The following NDFIP2 variants were observed in gnomAD, a reference collection of about 807,000 sequenced individuals.
NDFIP2 encodes NEDD4 family-interacting protein 2.
Under a neutral mutation model 36.0 loss-of-function variants are expected in NDFIP2, and 19 were observed. The ratio of observed to expected loss-of-function variants is 0.53; its 90% CI spans 0.37 to 0.77. The LOEUF is 0.77. NDFIP2 is among the 30% of genes least tolerant of loss of function. NDFIP2 has a pLI of 0.00. For synonymous variants in NDFIP2, 181 were observed against 167.7 expected, an observed-to-expected ratio of 1.08 and a Z score of -0.61; for missense variants, 446 against 435.8, an observed-to-expected ratio of 1.02 and a Z score of -0.21.
intron 2 of NDFIP2, among the ~76,000 whole-genome samples, chr13:79,529,383 C>T (rs556942063): frequency 1.3e-5 from 2 of 151,966 alleles, no homozygotes; most frequent in South Asian, 4.2e-4. Flanking sequence ...AATTTACATT[C>T]TTGTTATTAT....
intron 2 of NDFIP2, among the ~76,000 whole-genome samples, chr13:79,528,343 A>G (rs999445972): frequency 3.9e-5 from 6 of 152,204 alleles, no homozygotes; most frequent in South Asian, 2.1e-4. Flanking sequence ...ACACTGTACA[A>G]TGTGTTTGTG....
intron 5 of NDFIP2, among the ~76,000 whole-genome samples, chr13:79,547,933 G>A (rs1283345854): frequency 6.6e-6 from 1 of 152,076 alleles, no homozygotes; most frequent in Non-Finnish European, 1.5e-5. Flanking sequence ...TGTGGCTTTT[G>A]GTGTTAATAT....
At chr13:79,535,196 C>T (rs781673607) in intron 3 of NDFIP2, among the ~76,000 whole-genome samples, 20 of 152,080 alleles carry the variant, frequency 1.3e-4, no homozygotes, top group Non-Finnish European at 2.6e-4. Context: ...AGATTGATTC[C>T]TCTCTAGCTA....
At position 79,537,853 on chromosome 13, in the gene NDFIP2, C is replaced by T. The variant is rs1176985606; in HGVS notation, c.622-1829C>T. On this transcript the variant is annotated intron_variant, in intron 3 of 7. Transcript: ENST00000218652. ...TGAGATGATGTGTACCGTATTAGTCCATTTTCACACTGCTATAAAGAAATA... is the reference window on the plus strand; with the variant it reads ...TGAGATGATGTGTACCGTATTAGTCTATTTTCACACTGCTATAAAGAAATA... Among the ~76,000 whole-genome samples the T allele has an allele frequency of 9.9e-5, 15 of 152,258 alleles. No homozygotes were observed. The East Asian group carries it at 2.3e-3, about 23-fold the overall frequency.
At chr13:79,491,582 C>T (rs949247132) in intron 1 of NDFIP2, among the ~76,000 whole-genome samples, 5 of 152,152 alleles carry the variant, frequency 3.3e-5, no homozygotes, top group African/African-American at 1.2e-4. Flanking sequence ...CTATTTTCTT[C>T]TTACTATTTT....
At chr13:79,532,418 T>TTG (rs1875052284) in intron 2 of NDFIP2, among the ~76,000 whole-genome samples, 3 of 152,174 alleles carry the variant, frequency 2.0e-5, no homozygotes, top group South Asian at 4.1e-4. Flanking sequence ...CCTCCCTTTT[T>TTG]TGTGTGTGTG....
intron 1 of NDFIP2, among the ~76,000 whole-genome samples, chr13:79,515,267 C>T (rs1439976175): frequency 4.0e-5 from 6 of 151,736 alleles, no homozygotes; most frequent in African/African-American, 7.3e-5. Flanking sequence ...TTGAACTAAA[C>T]GTCATTATGT....
intron 1 of NDFIP2, among the ~76,000 whole-genome samples, chr13:79,487,323 T>C (rs1375145131): frequency 6.6e-6 from 1 of 152,238 alleles, no homozygotes; most frequent in African/African-American, 2.4e-5. Flanking sequence ...GTTTTTTAGA[T>C]TGATCCATGT....
At chr13:79,541,879 AAC>A (rs2137111422) in intron 4 of NDFIP2, among the ~76,000 whole-genome samples, 1 of 152,324 alleles carries the variant, frequency 6.6e-6, no homozygotes, top group Non-Finnish European at 1.5e-5. Flanking sequence ...TACCTCACAT[AAC>A]CTAAAAAAAG....
chr13:79,509,104 G>A (rs1368844259), intron 1 of NDFIP2, among the ~76,000 whole-genome samples: 2 of 151,998 alleles, frequency 1.3e-5, no homozygotes, highest in Non-Finnish European at 2.9e-5. Flanking sequence ...AATTAATTTA[G>A]GAATTTATTT....
chr13:79,482,933 T>G (rs1438852915), intron 1 of NDFIP2, among the ~76,000 whole-genome samples: 1 of 152,188 alleles, frequency 6.6e-6, no homozygotes, highest in Non-Finnish European at 1.5e-5. Context: ...TTTGTAAATG[T>G]TAGCAAAAAT....
chr13:79,545,522 C>G (rs368709023), intron 5 of NDFIP2, among the ~76,000 whole-genome samples: 12 of 152,200 alleles, frequency 7.9e-5, no homozygotes, highest in East Asian at 5.8e-4. Flanking sequence ...TTAGTGTGTA[C>G]TAAGAAGTGT....
chr13:79,533,148 C>A (rs1353930057), intron 2 of NDFIP2, among the ~76,000 whole-genome samples, 175 bp from the exon 3 acceptor site: 1 of 151,962 alleles, frequency 6.6e-6, no homozygotes, highest in Non-Finnish European at 1.5e-5. Flanking sequence ...TAAATTTGGA[C>A]TAAAGTAAGA....
rs911113470 is a variant in NDFIP2 at position 79,494,410 on chromosome 13, A to G, written c.321+12886A>G. 5.9e-5 allele frequency among the ~76,000 whole-genome samples: 9 copies of G among 152,232 alleles called. No individual in the cohort carries two copies. The East Asian group carries it at 9.6e-4, about 16-fold the overall frequency. ...AGCAGTATATTTTGTATAACTTTAA[A>G]AATATTTCATGGAGTTGCTTAATTT... On this transcript the variant is annotated intron_variant, in intron 1 of 7. Transcript: ENST00000218652.
intron 1 of NDFIP2, among the ~76,000 whole-genome samples, chr13:79,496,213 T>A (rs375494494): frequency 2.6e-4 from 40 of 152,118 alleles, no homozygotes; most frequent in African/African-American, 8.9e-4. Context: ...AGAACTGCAT[T>A]TCTTAAAGTG....
chr13:79,501,324 T>G (rs1873657940), intron 1 of NDFIP2, among the ~76,000 whole-genome samples: 2 of 151,916 alleles, frequency 1.3e-5, no homozygotes, highest in Admixed American at 1.3e-4. Context: ...AACAATGATG[T>G]GTTATTGTAG....
At chr13:79,485,026 G>A (rs1872910258) in intron 1 of NDFIP2, among the ~76,000 whole-genome samples, 1 of 152,098 alleles carries the variant, frequency 6.6e-6, no homozygotes, top group African/African-American at 2.4e-5. Flanking sequence ...CAAAAAAGAG[G>A]TGACCTCCAG....
intron 2 of NDFIP2, among the ~76,000 whole-genome samples, chr13:79,521,528 A>G (rs1874582240): frequency 1.3e-5 from 2 of 152,136 alleles, no homozygotes; most frequent in Admixed American, 6.5e-5. Context: ...TAAATATTTT[A>G]TATACTCATT....
At chr13:79,512,547 G>A (rs1874118449) in intron 1 of NDFIP2, among the ~76,000 whole-genome samples, 1 of 152,184 alleles carries the variant, frequency 6.6e-6, no homozygotes, top group Non-Finnish European at 1.5e-5. Flanking sequence ...CAACTCTTAA[G>A]GGATCAGAGG....
Sources: gnomAD v4.1 joint callset for allele counts (sites outside exome capture counted in the v4.1 genomes callset) on GRCh38, gnomAD v4.1.1 for gene constraint, MANE v1.5 for transcripts, NCBI Gene and HGNC (gene_info 2026-07-23, HGNC 2026-07-21) for gene names.